The following CTNNA3 variants were observed in gnomAD, a reference collection of about 807,000 sequenced individuals.
CTNNA3 encodes the protein catenin alpha 3.
CTNNA3 carries 76 observed loss-of-function variants against 95.7 expected under a neutral mutation model. That is an observed-to-expected ratio of 0.79 (90% CI 0.66 to 0.96). The LOEUF is 0.96. Among genes scored for constraint, CTNNA3 ranks in the 40% least tolerant of loss-of-function variants. CTNNA3 has a pLI of 0.00. For missense variants in CTNNA3, 1,191 were observed against 1,089.8 expected, an observed-to-expected ratio of 1.09 and a Z score of -1.31; for synonymous variants, 431 against 374.4, an observed-to-expected ratio of 1.15 and a Z score of -1.74.
chr10:67,042,627 G>T (rs1178354120), intron 7 of CTNNA3, among the ~76,000 whole-genome samples: 2 of 151,982 alleles, frequency 1.3e-5, no homozygotes, highest in Non-Finnish European at 2.9e-5. Flanking sequence ...GGAAGTCATG[G>T]AAGAGAAGGA....
chr10:66,370,435 A>G (rs1481130774), intron 12 of CTNNA3, among the ~76,000 whole-genome samples: 1 of 152,130 alleles, frequency 6.6e-6, no homozygotes, highest in African/African-American at 2.4e-5. Flanking sequence ...AACATACACT[A>G]TGTTATGGTT....
intron 5 of CTNNA3, among the ~76,000 whole-genome samples, chr10:67,281,765 C>CAGA (rs1839409991): frequency 1.3e-5 from 2 of 152,036 alleles, no homozygotes; most frequent in Non-Finnish European, 1.5e-5. Flanking sequence ...GTAATCAATT[C>CAGA]ACTTTAGTTC....
intron 13 of CTNNA3, among the ~76,000 whole-genome samples, chr10:66,227,746 T>C (rs2089387969): frequency 6.6e-6 from 1 of 152,078 alleles, no homozygotes; most frequent in Non-Finnish European, 1.5e-5. Context: ...GAGAACTGAT[T>C]TTAGTTCTTT....
intron 1 of CTNNA3, among the ~76,000 whole-genome samples, chr10:67,734,735 C>G (rs1013600666): frequency 2.6e-4 from 39 of 151,868 alleles, no homozygotes; most frequent in African/African-American, 9.4e-4. Context: ...ATACTTTGAC[C>G]AAAAATAATA....
At chr10:66,591,551 C>G (rs115198262) in intron 10 of CTNNA3, among the ~76,000 whole-genome samples, 329 of 152,226 alleles carry the variant, frequency 2.2e-3, no homozygotes, top group African/African-American at 6.7e-3. Flanking sequence ...TGCTCTGACT[C>G]TAGAAGAGAT....
rs74789936 is a variant in CTNNA3 at position 65,991,531 on chromosome 10, T to A, written c.2160-2734A>T. On this transcript the variant is annotated intron_variant, in intron 15 of 17. Transcript: ENST00000433211. ...TTTTTTGTAGCTATTTTAAATGGGA[T>A]TGCCTCTTGATTTCTTTTGCACATT... 1.5e-4 allele frequency among the ~76,000 whole-genome samples: 23 copies of A among 152,128 alleles called. No homozygotes were observed. The East Asian group carries it at 4.4e-3, about 29-fold the overall frequency.
At chr10:67,381,652 G>A (rs1301771520) in intron 5 of CTNNA3, among the ~76,000 whole-genome samples, 1 of 152,102 alleles carries the variant, frequency 6.6e-6, no homozygotes, top group African/African-American at 2.4e-5. Context: ...CTTCAAAGAA[G>A]TTCCTGTTAT....
At chr10:66,519,373 T>C (rs1472128571) in intron 11 of CTNNA3, among the ~76,000 whole-genome samples, 1 of 152,190 alleles carries the variant, frequency 6.6e-6, no homozygotes, top group African/African-American at 2.4e-5. Flanking sequence ...TTTAATTCTT[T>C]AGATTAGCAC....
At chr10:67,020,783 T>G (rs1852958904) in intron 7 of CTNNA3, among the ~76,000 whole-genome samples, 2 of 152,176 alleles carry the variant, frequency 1.3e-5, no homozygotes, top group African/African-American at 4.8e-5. Context: ...CATGTAAGTT[T>G]CAGAAAGGTG....
chr10:66,839,482 T>A (rs1842978111), intron 7 of CTNNA3, among the ~76,000 whole-genome samples: 3 of 151,990 alleles, frequency 2.0e-5, no homozygotes, highest in Admixed American at 2.0e-4. Flanking sequence ...TGAAATACAA[T>A]CCAATAAATC....
intron 1 of CTNNA3, among the ~76,000 whole-genome samples, chr10:67,730,551 T>C (rs917518986): frequency 5.3e-5 from 8 of 152,032 alleles, no homozygotes; most frequent in Non-Finnish European, 8.8e-5. Context: ...CAAGAAAGAA[T>C]AGAAGACATT....
rs2132210177 is a variant in CTNNA3 at position 67,201,242 on chromosome 10, T to C, written c.843+18365A>G. 1.3e-5 allele frequency among the ~76,000 whole-genome samples: 2 copies of C among 152,338 alleles called. 1 individual carries two copies. The highest frequency in any genetic ancestry group is 4.1e-4 in the South Asian group (2 of 4,826). ...ACAAATAGGATTAGTCTACCTCCTA[T>C]AATGCAACTACCTTTTTCAAAACTC... is the stretch of plus-strand genomic sequence containing the variant. On this transcript the variant is annotated intron_variant, in intron 6 of 17. Coordinates refer to ENST00000433211, the MANE Select transcript of CTNNA3 (RefSeq NM_013266.4).
chr10:66,695,632 C>T (rs1043775119), intron 9 of CTNNA3, among the ~76,000 whole-genome samples: 4 of 151,908 alleles, frequency 2.6e-5, no homozygotes, highest in Admixed American at 1.3e-4. Flanking sequence ...AAAGTCATTC[C>T]CAGAAGTTGT....
intron 14 of CTNNA3, among the ~76,000 whole-genome samples, chr10:66,084,123 G>T (rs553955104): frequency 1.1e-5 from 1 of 94,110 alleles, no homozygotes; most frequent in East Asian, 3.4e-4. Context: ...TAACAACAGC[G>T]AAACTTCATC....
intron 13 of CTNNA3, among the ~76,000 whole-genome samples, chr10:66,238,771 A>G: frequency 6.6e-6 from 1 of 151,948 alleles, no homozygotes; most frequent in East Asian, 1.9e-4. Flanking sequence ...AAATGATTTT[A>G]TTCTTACATT....
At chr10:67,501,910 A>G (rs1839244289) in intron 5 of CTNNA3, among the ~76,000 whole-genome samples, 1 of 152,112 alleles carries the variant, frequency 6.6e-6, no homozygotes, top group South Asian at 2.1e-4. Context: ...GGGTTAGAGC[A>G]TGCTCCTTGC....
At chr10:66,186,368 C>T (rs1162674484) in intron 13 of CTNNA3, among the ~76,000 whole-genome samples, 2 of 151,694 alleles carry the variant, frequency 1.3e-5, no homozygotes, top group African/African-American at 2.4e-5. Flanking sequence ...AAAAATTCAA[C>T]TTTGGAAAAA....
intron 5 of CTNNA3, among the ~76,000 whole-genome samples, chr10:67,459,296 C>A (rs952402031): frequency 6.6e-6 from 1 of 152,120 alleles, no homozygotes; most frequent in African/African-American, 2.4e-5. Context: ...ATTGGTAGAG[C>A]ATGCAAATCC....
chr10:66,520,457 G>A (rs1841019749), intron 11 of CTNNA3, 160 bp downstream of exon 11: 3 of 520,620 alleles, frequency 5.8e-6, no homozygotes, highest in Non-Finnish European at 9.8e-6. Flanking sequence ...TCATCATGTT[G>A]GCCAGGCTGG....
Sources: gnomAD v4.1 joint callset for allele counts (sites outside exome capture counted in the v4.1 genomes callset) on GRCh38, gnomAD v4.1.1 for gene constraint, MANE v1.5 for transcripts, NCBI Gene and HGNC (gene_info 2026-07-23, HGNC 2026-07-21) for gene names.